JAZF1: variants seen among roughly 807,000 people sequenced by gnomAD.
JAZF1 encodes the protein juxtaposed with another zinc finger protein 1.
In JAZF1, 8 loss-of-function variants were observed where a neutral mutation model predicts 26.4. The observed-to-expected ratio is 0.30, with a 90% CI of 0.18 to 0.55. The LOEUF (loss-of-function observed/expected upper bound fraction) is 0.55, where lower values mean the gene tolerates loss of function less well. Among genes scored for constraint, JAZF1 ranks in the 20% least tolerant of loss-of-function variants. The pLI is 0.94. For missense variants in JAZF1, 199 were observed against 322.0 expected, an observed-to-expected ratio of 0.62 and a Z score of 2.92; for synonymous variants, 126 against 122.3, an observed-to-expected ratio of 1.03 and a Z score of -0.20.
rs750392362 is a variant in JAZF1, at chr7:27,840,112, G to A, written c.555+586C>T. Among the ~76,000 whole-genome samples the A allele has an allele frequency of 1.1e-4, 16 of 152,210 alleles. No homozygotes were observed. Among genetic ancestry groups the A allele is most frequent in the Non-Finnish European group, 2.1e-4 (14 of 68,030 alleles). On this transcript the variant is annotated intron_variant, in intron 4 of 4. Coordinates refer to ENST00000283928, the MANE Select transcript of JAZF1 (RefSeq NM_175061.4). The surrounding 1 kb of genome is among the most constrained non-coding windows in gnomAD (Gnocchi z 5.1). ...CCCAGGCCCTCAGAGACCTGGGTCAGCAGACAGGCAGCTGAAGCTGAAGTG... is the reference window on the plus strand; with the variant it reads ...CCCAGGCCCTCAGAGACCTGGGTCAACAGACAGGCAGCTGAAGCTGAAGTG...
At chr7:28,092,303 A>C (rs865917913) in intron 1 of JAZF1, among the ~76,000 whole-genome samples, 102 of 123,070 alleles carry the variant, frequency 8.3e-4, no homozygotes, top group African/African-American at 2.7e-3. Flanking sequence ...AAAAAAAAAA[A>C]AAAAAAAAAA....
intron 2 of JAZF1, among the ~76,000 whole-genome samples, chr7:27,940,668 C>A (rs956086529): frequency 6.6e-6 from 1 of 152,124 alleles, no homozygotes; most frequent in Non-Finnish European, 1.5e-5. Flanking sequence ...TGGGTGGAGG[C>A]GGCCTGGGTC....
At chr7:28,144,681 A>G (rs1640593242) in intron 1 of JAZF1, among the ~76,000 whole-genome samples, 2 of 152,240 alleles carry the variant, frequency 1.3e-5, no homozygotes, top group Admixed American at 1.3e-4. Flanking sequence ...AAAAATAAAT[A>G]TATTTAATCA....
At chr7:28,117,444 T>C (rs1784764635) in intron 1 of JAZF1, among the ~76,000 whole-genome samples, 1 of 152,224 alleles carries the variant, frequency 6.6e-6, no homozygotes, top group African/African-American at 2.4e-5. Context: ...GCCTTTCTGA[T>C]TTCTCCTTCC....
At chr7:27,861,267 C>T (rs1432921385) in intron 3 of JAZF1, among the ~76,000 whole-genome samples, 3 of 152,176 alleles carry the variant, frequency 2.0e-5, no homozygotes, top group Non-Finnish European at 2.9e-5. Flanking sequence ...ACTCATCCAC[C>T]TGGAAACTCA....
At chr7:27,928,693 A>G (rs1784636807) in intron 2 of JAZF1, among the ~76,000 whole-genome samples, 1 of 152,220 alleles carries the variant, frequency 6.6e-6, no homozygotes, top group Non-Finnish European at 1.5e-5. Flanking sequence ...ATGAACATAA[A>G]ACCAAATACT....
chr7:27,894,628 G>A (rs1193733888), intron 3 of JAZF1, among the ~76,000 whole-genome samples: 1 of 152,136 alleles, frequency 6.6e-6, no homozygotes, highest in Non-Finnish European at 1.5e-5. Flanking sequence ...GATGGACTGG[G>A]AAAAATAAAA....
intron 4 of JAZF1, among the ~76,000 whole-genome samples, chr7:27,833,518 C>G (rs1782749878): frequency 6.6e-6 from 1 of 152,204 alleles, no homozygotes; most frequent in African/African-American, 2.4e-5. Context: ...CTGCTCTGCA[C>G]TAAGCCAGTA....
rs1783943276 is a variant in JAZF1, at chr7:28,069,653, ATAATG to A, written c.116-77677_116-77673del. On this transcript the variant is annotated intron_variant, in intron 1 of 4. Coordinates refer to ENST00000283928, the MANE Select transcript of JAZF1 (RefSeq NM_175061.4). Reference sequence around the variant, plus strand: ...TCTCCATGCCCAACTTGGAACATACATAATGACCTAAGGGGGGAGAAAACTAATCT... The same window carrying A: ...TCTCCATGCCCAACTTGGAACATACAACCTAAGGGGGGAGAAAACTAATCT... Among the ~76,000 whole-genome samples, 4 of 152,304 alleles carry A rather than the reference ATAATG, an allele frequency of 2.6e-5. 1 individual carries two copies. The highest frequency in any genetic ancestry group is 9.6e-5 in the African/African-American group (4 of 41,576).
At chr7:27,968,126 A>G (rs1436750428) in intron 2 of JAZF1, among the ~76,000 whole-genome samples, 1 of 152,272 alleles carries the variant, frequency 6.6e-6, no homozygotes, top group South Asian at 2.1e-4. Flanking sequence ...CAAAACATGT[A>G]CTAACACATG....
chr7:27,869,924 G>A (rs546054753), intron 3 of JAZF1, among the ~76,000 whole-genome samples: 1 of 152,026 alleles, frequency 6.6e-6, no homozygotes, highest in Admixed American at 6.6e-5. Context: ...ATTTTGAGAT[G>A]GAATCTCGCT....
At chr7:28,096,655 G>A (rs1020324702) in intron 1 of JAZF1, among the ~76,000 whole-genome samples, 1 of 152,072 alleles carries the variant, frequency 6.6e-6, no homozygotes, top group Non-Finnish European at 1.5e-5. Flanking sequence ...ACTACAAGAT[G>A]GCCAATAAGA....
rs535267439 is a variant in JAZF1, at chr7:27,983,150, C to T, written c.188+8759G>A. Among the ~76,000 whole-genome samples, 27 of 152,264 alleles carry T rather than the reference C, an allele frequency of 1.8e-4. No individual in the cohort carries two copies. The South Asian group carries it at 5.2e-3, about 29-fold the overall frequency. On this transcript the variant is annotated intron_variant, in intron 2 of 4. Coordinates refer to ENST00000283928, the MANE Select transcript of JAZF1 (RefSeq NM_175061.4). Reference sequence around the variant, plus strand: ...GATGACCGGTAATAACAAACTTCTCCGAGCTAAAGGAGGATGTTCGAACCC... The same window carrying T: ...GATGACCGGTAATAACAAACTTCTCTGAGCTAAAGGAGGATGTTCGAACCC...
At chr7:27,926,334 G>T (rs563427103) in intron 2 of JAZF1, among the ~76,000 whole-genome samples, 2 of 152,260 alleles carry the variant, frequency 1.3e-5, no homozygotes, top group South Asian at 4.2e-4. Flanking sequence ...GAACTGGCAG[G>T]ACATACCTTC....
rs116985296 is a variant in JAZF1, at chr7:27,863,991, A to G, written c.386-23124T>C. The G allele has an allele frequency of 6.0e-3, 910 of 152,366 alleles. 4 individuals are homozygous for G. Among genetic ancestry groups the G allele is most frequent in the Non-Finnish European group, 9.6e-3 (655 of 68,052 alleles). The allele number at this position is 152,366 out of a possible 1,614,324, so 9.4% of individuals were successfully genotyped here. On this transcript the variant is annotated intron_variant, in intron 3 of 4. Transcript: ENST00000283928. ...CTTCCCGCTAGGTCAACTGCCAGAGAGGAGCACAGGAGAATGCAGGGGCTG... is the reference window on the plus strand; with the variant it reads ...CTTCCCGCTAGGTCAACTGCCAGAGGGGAGCACAGGAGAATGCAGGGGCTG...
At chr7:27,993,457 TACTC>T in intron 1 of JAZF1, among the ~76,000 whole-genome samples, 1 of 152,324 alleles carries the variant, frequency 6.6e-6, no homozygotes, top group Middle Eastern at 3.4e-3. Context: ...ACGTAACTCT[TACTC>T]ACACTCATTT....
At chr7:27,835,511 G>A (rs1319114122) in intron 4 of JAZF1, among the ~76,000 whole-genome samples, 1 of 152,140 alleles carries the variant, frequency 6.6e-6, no homozygotes, top group African/African-American at 2.4e-5. Context: ...TCAGCTTTAT[G>A]ACTCTGGAAA....
intron 1 of JAZF1, among the ~76,000 whole-genome samples, chr7:28,105,605 T>C (rs376072218): frequency 1.2e-4 from 18 of 152,264 alleles, no homozygotes; most frequent in African/African-American, 4.1e-4. Context: ...AAGCAACTTA[T>C]AAAATTATAT....
intron 2 of JAZF1, among the ~76,000 whole-genome samples, chr7:27,971,405 G>C (rs1303099067): frequency 6.6e-6 from 1 of 152,192 alleles, no homozygotes; most frequent in African/African-American, 2.4e-5. Flanking sequence ...TTGGCCACAA[G>C]GGAGGAAATG....
Sources: allele counts gnomAD v4.1 joint callset (sites outside exome capture counted in the v4.1 genomes callset), GRCh38; gene constraint gnomAD v4.1.1; non-coding constraint Gnocchi (gnomAD v3.1); transcripts MANE v1.5; gene names NCBI Gene and HGNC (gene_info 2026-07-23, HGNC 2026-07-21).